Variants in PCDHGA4 observed in about 807,000 individuals in gnomAD.
PCDHGA4 encodes the protein protocadherin gamma subfamily A, 4, also known as protocadherin gamma-A4.
In PCDHGA4, 38 loss-of-function variants were observed where a neutral mutation model predicts 54.6. That is an observed-to-expected ratio of 0.70 (90% CI 0.54 to 0.91). The LOEUF (loss-of-function observed/expected upper bound fraction) is 0.91. Among genes scored for constraint, PCDHGA4 ranks in the 40% least tolerant of loss-of-function variants. The pLI, the probability that PCDHGA4 is intolerant of heterozygous loss-of-function variation, is 0.00. For synonymous variants in PCDHGA4, 511 were observed against 512.9 expected, an observed-to-expected ratio of 1.00 and a Z score of 0.05; for missense variants, 1,298 against 1,220.9, an observed-to-expected ratio of 1.06 and a Z score of -0.94.
intron 1 of PCDHGA4, chr5:141,418,797 A>T (rs201246978): frequency 1.9e-6 from 3 of 1,613,896 alleles, no homozygotes; most frequent in Non-Finnish European, 2.5e-6. Flanking sequence ...GAAGAAGTAG[A>T]AAGATATACG....
chr5:141,481,026 C>T (rs1315533254), intron 1 of PCDHGA4, among the ~76,000 whole-genome samples: 1 of 152,100 alleles, frequency 6.6e-6, no homozygotes, highest in African/African-American at 2.4e-5. Flanking sequence ...CCACTGCACT[C>T]CAGCCTGGGC....
Position 141,477,872 on chromosome 5 carries a change from G to A in PCDHGA4, c.2515-16935G>A. The stretch of plus-strand genomic sequence containing the variant: ...GGAGATGCTGCCTCGAGGTACCTCA[G>A]CTGGCCACCTAGTGTCACGGGTGGT... On this transcript the variant is annotated intron_variant, in intron 1 of 3. Coordinates refer to ENST00000571252, the MANE Select transcript of PCDHGA4 (RefSeq NM_018917.4). This position sits in a 1 kb window ranked among gnomAD's most constrained non-coding sequence, Gnocchi z 4.9. The A allele has an allele frequency of 6.2e-7, 1 of 1,614,180 alleles. No individual in the cohort carries two copies. Among genetic ancestry groups the A allele is most frequent in the African/African-American group, 1.3e-5 (1 of 75,058 alleles).
Position 141,490,536 on chromosome 5 carries a change from T to C in PCDHGA4, c.2515-4271T>C. ...TGCTGGCCAGCGATGCTGGTTCACCTTCCCTACACAAACATCTCACCATCA... is the reference window on the plus strand; with the variant it reads ...TGCTGGCCAGCGATGCTGGTTCACCCTCCCTACACAAACATCTCACCATCA... On this transcript the variant is annotated intron_variant, in intron 1 of 3. Transcript: ENST00000571252. The surrounding 1 kb of genome is among the most constrained non-coding windows in gnomAD (Gnocchi z 5.4). The C allele has an allele frequency of 1.9e-6, 3 of 1,614,150 alleles. No individual in the cohort carries two copies. The highest frequency in any genetic ancestry group is 2.5e-6 in the Non-Finnish European group (3 of 1,180,010).
Position 141,433,012 on chromosome 5 carries a change from G to C in PCDHGA4, c.2515-61795G>C. 1 of 1,614,172 alleles carries C rather than the reference G, an allele frequency of 6.2e-7. No homozygotes were observed. Among genetic ancestry groups the C allele is most frequent in the South Asian group, 1.1e-5 (1 of 91,080 alleles). The stretch of plus-strand genomic sequence containing the variant: ...TGGACGGGGTGCAGGCTTTCCTGCA[G>C]ACCTATTCCCACGAGGTTTCCCTCA... On this transcript the variant is annotated intron_variant, in intron 1 of 3. Coordinates refer to ENST00000571252, the MANE Select transcript of PCDHGA4 (RefSeq NM_018917.4).
intron 1 of PCDHGA4, chr5:141,441,802 T>C (rs2098274220): frequency 2.6e-6 from 1 of 382,538 alleles, no homozygotes; most frequent in South Asian, 2.1e-5. Flanking sequence ...GCACCGCGGG[T>C]GCTGTACCCC....
chr5:141,458,873 C>T (rs1278498446), intron 1 of PCDHGA4, among the ~76,000 whole-genome samples: 2 of 152,148 alleles, frequency 1.3e-5, no homozygotes, highest in African/African-American at 4.8e-5. Context: ...GCTGGGACTA[C>T]AGGCATGCAC....
In PCDHGA4 at chr5:141,415,309, G is replaced by C. The variant is rs199689792; in HGVS notation, c.2514+57688G>C. 3.4e-5 allele frequency: 55 copies of C among 1,614,098 alleles called. No homozygotes were observed. Among genetic ancestry groups the C allele is most frequent in the Middle Eastern group, 1.6e-4 (1 of 6,084 alleles). On this transcript the variant is annotated intron_variant, in intron 1 of 3. Transcript: ENST00000571252. ...GGTCTCCTGCGTCTTCCTGGCCTTC[G>C]TCATCGTGCTGCTGGCGCACAGGCT...
At chr5:141,367,424 C>A (rs1368988996) in intron 1 of PCDHGA4, 1 of 152,184 alleles carries the variant, frequency 6.6e-6, no homozygotes, top group Non-Finnish European at 1.5e-5. Context: ...GTAGTCCCAG[C>A]TACTCGGAAG....
chr5:141,464,389 A>G (rs2099082481), intron 1 of PCDHGA4, among the ~76,000 whole-genome samples: 1 of 151,766 alleles, frequency 6.6e-6, no homozygotes, highest in Non-Finnish European at 1.5e-5. Flanking sequence ...AAAAATGCTA[A>G]TGAAGAACCT....
chr5:141,503,665 C>A (rs1210514896), intron 2 of PCDHGA4, among the ~76,000 whole-genome samples: 2 of 151,792 alleles, frequency 1.3e-5, no homozygotes, highest in African/African-American at 4.8e-5. Flanking sequence ...AATTACAACT[C>A]TTCCCACTTT....
chr5:141,376,282 G>C (rs755455760), intron 1 of PCDHGA4: 10 of 1,614,096 alleles, frequency 6.2e-6, no homozygotes, highest in Non-Finnish European at 7.6e-6. Flanking sequence ...GTGGCTTAGC[G>C]AGCATGCCCG....
intron 2 of PCDHGA4, among the ~76,000 whole-genome samples, chr5:141,503,595 G>T (rs6892628): frequency 0.52 from 72,995 of 139,870 alleles, 19,322 homozygotes; most frequent in African/African-American, 0.64. Flanking sequence ...CGAGACTCCA[G>T]CTCAAAAAAA....
intron 1 of PCDHGA4, chr5:141,415,029 G>C (rs777967290): frequency 6.2e-7 from 1 of 1,613,552 alleles, no homozygotes; most frequent in South Asian, 1.1e-5. Flanking sequence ...CCAGCGAGCC[G>C]GGACTCTTCG....
Position 141,485,538 on chromosome 5 carries a change from A to T in PCDHGA4, c.2515-9269A>T. ...TTGGAAATGTACCGAGCAGAGGTAG[A>T]GATCGTAGATGTGAATGATCACGCC... On this transcript the variant is annotated intron_variant, in intron 1 of 3. Transcript: ENST00000571252. The surrounding 1 kb of genome is among the most constrained non-coding windows in gnomAD (Gnocchi z 5.7). The T allele has an allele frequency of 6.2e-7, 1 of 1,614,162 alleles. No individual in the cohort carries two copies. Among genetic ancestry groups the T allele is most frequent in the Admixed American group, 1.7e-5 (1 of 60,012 alleles).
chr5:141,410,032 G>C (rs1395086834), intron 1 of PCDHGA4: 5 of 1,613,162 alleles, frequency 3.1e-6, no homozygotes, highest in African/African-American at 1.3e-5. Flanking sequence ...ACGTGCTGCA[G>C]GCCAGTGAGC....
rs2099735960 is a variant in PCDHGA4 at position 141,491,997 on chromosome 5, G to A, written c.2515-2810G>A. On this transcript the variant is annotated intron_variant, in intron 1 of 3. Transcript: ENST00000571252. The surrounding 1 kb of genome is among the most constrained non-coding windows in gnomAD (Gnocchi z 6.9). ...CCTTCGAGCTTCCGGTGAATTTCGG[G>A]CGATTTCCGCGGGTGTCGGGGGTCC... The A allele has an allele frequency of 1.5e-6, 1 of 671,074 alleles. No homozygotes were observed. The allele number at this position is 671,074 out of a possible 1,614,324, so 41.6% of individuals were successfully genotyped here.
chr5:141,481,689 C>T (rs1198127143), intron 1 of PCDHGA4, among the ~76,000 whole-genome samples: 1 of 152,102 alleles, frequency 6.6e-6, no homozygotes, highest in Non-Finnish European at 1.5e-5. Context: ...CCTGGTGGCT[C>T]ACGCCTGTAA....
intron 1 of PCDHGA4, chr5:141,423,339 C>T (rs1393650718): frequency 6.2e-7 from 1 of 1,614,072 alleles, no homozygotes; most frequent in Non-Finnish European, 8.5e-7. Flanking sequence ...TCTCCTGCAT[C>T]TTCCTGGTCT....
In PCDHGA4 at chr5:141,364,378, CT is replaced by C. The variant is rs1763292198; in HGVS notation, c.2514+6759del. The stretch of plus-strand genomic sequence containing the variant: ...GGGGCTGCGGAGAGCTGCTGCTGCC[CT>C]TCATGCTCCTGGGGACGCTGTGCGA... On this transcript the variant is annotated intron_variant, in intron 1 of 3. Transcript: ENST00000571252. 5 of 1,579,064 alleles carry C rather than the reference CT, an allele frequency of 3.2e-6. No individual in the cohort carries two copies. The East Asian group carries it at 1.1e-4, about 35-fold the overall frequency.
Sources: allele counts gnomAD v4.1 joint callset (sites outside exome capture counted in the v4.1 genomes callset), GRCh38; gene constraint gnomAD v4.1.1; non-coding constraint Gnocchi (gnomAD v3.1); transcripts MANE v1.5; gene names NCBI Gene and HGNC (gene_info 2026-07-23, HGNC 2026-07-21).